Variants in GRIN2B observed in about 807,000 individuals in gnomAD.
GRIN2B encodes glutamate ionotropic receptor NMDA type subunit 2B, also known as glutamate receptor ionotropic, NMDA 2B.
GRIN2B carries 5 observed loss-of-function variants against 114.5 expected under a neutral mutation model. The observed-to-expected ratio is 0.04, with a 90% confidence interval of 0.02 to 0.09. The LOEUF (loss-of-function observed/expected upper bound fraction) is 0.09. Ranked by LOEUF, GRIN2B falls within the 10% of genes least tolerant of loss-of-function variation. GRIN2B has a pLI of 1.00. For synonymous variants in GRIN2B, 787 were observed against 745.1 expected (o/e 1.06, Z -0.92); for missense variants, 1,108 against 1,943.5 (o/e 0.57, Z 8.08).
chr12:13,877,320 A>T (rs1357294201), intron 2 of GRIN2B, among the ~76,000 whole-genome samples: 1 of 152,204 alleles, frequency 6.6e-6, no homozygotes, highest in Non-Finnish European at 1.5e-5. Flanking sequence ...AATAGGGAAC[A>T]AAAGCTGCAT....
At position 13,569,816 on chromosome 12, in the gene GRIN2B, T is replaced by C. The variant is rs769872160; in HGVS notation, c.2359+14A>G. ...GTAGAGGACAAATGGGCACTTTCCC[T>C]TTCTTGAACTCACCATCTCCAAAGA... On this transcript the variant is annotated intron_variant, in intron 12 of 13. Coordinates refer to ENST00000609686, the MANE Select transcript of GRIN2B (RefSeq NM_000834.5). 6 of 1,557,576 alleles carry C rather than the reference T, an allele frequency of 3.9e-6. No individual in the cohort carries two copies. In the East Asian group the frequency reaches 1.1e-4, roughly 29 times the overall value.
intron 1 of GRIN2B, among the ~76,000 whole-genome samples, 181 bp downstream of exon 1, chr12:13,981,161 C>CAA (rs60755034): frequency 0.026 from 3,889 of 147,174 alleles, 169 homozygotes; most frequent in African/African-American, 0.091. Flanking sequence ...CCCTCCCCCA[C>CAA]AAAAAAAAAA....
intron 2 of GRIN2B, among the ~76,000 whole-genome samples, chr12:13,966,723 G>A (rs1867795240): frequency 6.6e-6 from 1 of 152,088 alleles, no homozygotes; most frequent in African/African-American, 2.4e-5. Context: ...TGGAAACAGG[G>A]GAAGTCACGA....
chr12:13,757,065 A>G (rs754173600), intron 3 of GRIN2B, among the ~76,000 whole-genome samples: 1 of 152,124 alleles, frequency 6.6e-6, no homozygotes, highest in African/African-American at 2.4e-5. Flanking sequence ...CCACAATCTG[A>G]TCCTTTTCCT....
At chr12:13,907,665 T>G (rs1193898697) in intron 2 of GRIN2B, among the ~76,000 whole-genome samples, 1 of 152,182 alleles carries the variant, frequency 6.6e-6, no homozygotes, top group African/African-American at 2.4e-5. Context: ...AACTGATTTG[T>G]TGGAAATGTT....
chr12:13,665,167 TTGTG>T (rs3081936), intron 5 of GRIN2B, among the ~76,000 whole-genome samples: 90,939 of 149,624 alleles, frequency 0.61, 29,851 homozygotes, highest in Middle Eastern at 0.81. Flanking sequence ...GTGTGTGTGT[TTGTG>T]TGTGTGTGTG....
At chr12:13,670,761 T>G (rs983997211) in intron 5 of GRIN2B, among the ~76,000 whole-genome samples, 1 of 152,072 alleles carries the variant, frequency 6.6e-6, no homozygotes. Context: ...TGCATATGTG[T>G]GTGTAAAATA....
At chr12:13,802,144 A>C (rs17833967) in intron 3 of GRIN2B, among the ~76,000 whole-genome samples, 14,153 of 152,210 alleles carry the variant, frequency 0.093, 771 homozygotes, top group Middle Eastern at 0.13. Context: ...TTACTAAATG[A>C]AATCATGAAG....
rs1805507 is a variant in GRIN2B at position 13,596,287 on chromosome 12, A to G, written c.2010+12316T>C. On this transcript the variant is annotated intron_variant, in intron 10 of 13. Coordinates refer to ENST00000609686, the MANE Select transcript of GRIN2B (RefSeq NM_000834.5). The stretch of plus-strand genomic sequence containing the variant: ...TTGGCAATCAGTTCTTGCAAGAAAC[A>G]CAGCTGGCTAATACTTTACTCAGAA... Among the ~76,000 whole-genome samples, 6 of 152,240 alleles carry G rather than the reference A, an allele frequency of 3.9e-5. No homozygotes were observed. The South Asian group carries it at 1.2e-3, about 31-fold the overall frequency.
chr12:13,796,103 A>T (rs1864415153), intron 3 of GRIN2B, among the ~76,000 whole-genome samples: 1 of 150,014 alleles, frequency 6.7e-6, no homozygotes, highest in South Asian at 2.1e-4. Flanking sequence ...AAAAAGAAAC[A>T]GCTTTCCAGT....
At chr12:13,945,583 G>A (rs184256498) in intron 2 of GRIN2B, among the ~76,000 whole-genome samples, 1 of 152,300 alleles carries the variant, frequency 6.6e-6, no homozygotes, top group East Asian at 1.9e-4. Flanking sequence ...CCTCTCCAGA[G>A]CTAGCCTTTT....
intron 2 of GRIN2B, among the ~76,000 whole-genome samples, chr12:13,870,864 A>C (rs79831214): frequency 0.018 from 2,796 of 152,290 alleles, 85 homozygotes; most frequent in African/African-American, 0.064. Flanking sequence ...AATAATTCTC[A>C]TACAATGGAA....
chr12:13,596,939 T>A (rs919231652), intron 10 of GRIN2B, among the ~76,000 whole-genome samples: 4 of 152,208 alleles, frequency 2.6e-5, no homozygotes, highest in African/African-American at 9.6e-5. Context: ...CTCAGGCCAA[T>A]GCCTCTAGAA....
In GRIN2B at chr12:13,564,328, G is replaced by T; in HGVS notation, c.2910C>A (p.Phe970Leu). The T allele has an allele frequency of 6.2e-7, 1 of 1,614,212 alleles. No homozygotes were observed. Among genetic ancestry groups the T allele is most frequent in the Non-Finnish European group, 8.5e-7 (1 of 1,180,032 alleles). ...TGCTGTCCTTCAGCTGCAGGTTCCC[G>T]AACGTTCTCTCTACCTCACTGATGT... is the stretch of plus-strand genomic sequence containing the variant. Reference protein sequence around the residue: ...SDYISEVERTFGNLQLKDSNV... With the variant: ...SDYISEVERTLGNLQLKDSNV... The change falls in exon 14 of 14, where the codon TTC (phenylalanine) becomes TTA (leucine). Residue 970 changes from phenylalanine (F) to leucine (L), a missense_variant. By Grantham distance (22) the Phe-to-Leu change is conservative. Coordinates refer to ENST00000609686, the MANE Select transcript of GRIN2B (RefSeq NM_000834.5). This position sits in a 1 kb window ranked among gnomAD's most constrained non-coding sequence, Gnocchi z 4.8.
At chr12:13,763,040 C>T (rs1863710996) in intron 3 of GRIN2B, among the ~76,000 whole-genome samples, 2 of 151,994 alleles carry the variant, frequency 1.3e-5, no homozygotes, top group Admixed American at 6.6e-5. Flanking sequence ...ATCTCCCAAA[C>T]CAATTTGGTC....
chr12:13,607,441 T>C (rs1322867267), intron 10 of GRIN2B, among the ~76,000 whole-genome samples: 7 of 83,626 alleles, frequency 8.4e-5, no homozygotes, highest in African/African-American at 3.6e-4. Context: ...TAATATATAT[T>C]ATATATAATA....
chr12:13,594,945 C>T (rs1055689384), intron 10 of GRIN2B, among the ~76,000 whole-genome samples: 1 of 152,198 alleles, frequency 6.6e-6, no homozygotes. Context: ...AGCTGCCTAG[C>T]GGAAATGCCC....
intron 3 of GRIN2B, among the ~76,000 whole-genome samples, chr12:13,844,951 T>C (rs902095402): frequency 1.1e-4 from 17 of 152,216 alleles, no homozygotes; most frequent in African/African-American, 4.1e-4. Context: ...TTCCTTTCTT[T>C]CTGGAAGACT....
At chr12:13,947,624 T>C (rs1867385672) in intron 2 of GRIN2B, among the ~76,000 whole-genome samples, 1 of 152,214 alleles carries the variant, frequency 6.6e-6, no homozygotes, top group Admixed American at 6.5e-5. Flanking sequence ...TTCTACATTG[T>C]ATGTATTCTT....
Sources: gnomAD v4.1 joint callset for allele counts (sites outside exome capture counted in the v4.1 genomes callset) on GRCh38, gnomAD v4.1.1 for gene constraint, Gnocchi (gnomAD v3.1) non-coding constraint, MANE v1.5 for transcripts, NCBI Gene and HGNC (gene_info 2026-07-23, HGNC 2026-07-21) for gene names.